Variants in RASAL2 observed in about 807,000 individuals in gnomAD.
The protein encoded by RASAL2 is ras GTPase-activating protein nGAP.
In RASAL2, 58 loss-of-function variants were observed where a neutral mutation model predicts 128.9. The observed-to-expected ratio is 0.45, with a 90% CI of 0.36 to 0.56. The LOEUF is 0.56. Ranked by LOEUF, RASAL2 falls within the 20% of genes least tolerant of loss-of-function variation. The pLI is 0.00. For missense variants in RASAL2, 1,360 were observed against 1,601.6 expected (o/e 0.85, Z 2.57); for synonymous variants, 561 against 580.8 (o/e 0.97, Z 0.49).
At chr1:178,457,239 G>C (rs1334294727) in intron 13 of RASAL2, among the ~76,000 whole-genome samples, 1 of 152,234 alleles carries the variant, frequency 6.6e-6, no homozygotes, top group Non-Finnish European at 1.5e-5. Context: ...CCATTTTATA[G>C]CTGGCTATGT....
chr1:178,168,096 C>T (rs913599225), intron 1 of RASAL2, among the ~76,000 whole-genome samples: 3 of 152,028 alleles, frequency 2.0e-5, no homozygotes, highest in Non-Finnish European at 4.4e-5. Flanking sequence ...CTGCTTCTGG[C>T]AAAACAGGCA....
intron 14 of RASAL2, among the ~76,000 whole-genome samples, 156 bp downstream of exon 14, chr1:178,458,700 C>CAGG (rs1403509662): frequency 2.6e-5 from 4 of 152,156 alleles, no homozygotes; most frequent in Non-Finnish European, 5.9e-5. Flanking sequence ...TGGGAGGCTT[C>CAGG]TGCCCAGGTG....
At chr1:178,173,525 G>A (rs1470544764) in intron 1 of RASAL2, among the ~76,000 whole-genome samples, 1 of 151,980 alleles carries the variant, frequency 6.6e-6, no homozygotes, top group African/African-American at 2.4e-5. Context: ...TACACATTTC[G>A]TATGTATGTT....
chr1:178,326,738 T>G (rs1159204304), intron 3 of RASAL2, among the ~76,000 whole-genome samples: 1 of 152,098 alleles, frequency 6.6e-6, no homozygotes, highest in Non-Finnish European at 1.5e-5. Context: ...GAGATGGGGT[T>G]TCTCCATGTT....
At chr1:178,457,459 G>A (rs1310499801) in intron 13 of RASAL2, among the ~76,000 whole-genome samples, 1 of 152,212 alleles carries the variant, frequency 6.6e-6, no homozygotes, top group Non-Finnish European at 1.5e-5. Context: ...ACAGTGATGG[G>A]TTGGTATCTA....
At chr1:178,180,723 C>T (rs560623136) in intron 1 of RASAL2, among the ~76,000 whole-genome samples, 1 of 143,504 alleles carries the variant, frequency 7.0e-6, no homozygotes, top group African/African-American at 2.6e-5. Flanking sequence ...GGCATTATTG[C>T]GACTCTAACC....
At chr1:178,261,565 A>G (rs767045281) in intron 1 of RASAL2, among the ~76,000 whole-genome samples, 4 of 152,202 alleles carry the variant, frequency 2.6e-5, no homozygotes, top group Non-Finnish European at 4.4e-5. Flanking sequence ...GGAAATGCAC[A>G]TAAGTGCTCT....
chr1:178,303,855 G>T (rs1045595883), intron 3 of RASAL2, among the ~76,000 whole-genome samples: 1 of 152,098 alleles, frequency 6.6e-6, no homozygotes, highest in Non-Finnish European at 1.5e-5. Context: ...AGTACATCCT[G>T]TCTGATTCCG....
At chr1:178,315,664 G>C (rs1668474398) in intron 3 of RASAL2, among the ~76,000 whole-genome samples, 1 of 144,722 alleles carries the variant, frequency 6.9e-6, no homozygotes, top group Non-Finnish European at 1.5e-5. Context: ...AAATTTGTTT[G>C]AGTTCACTGT....
intron 3 of RASAL2, among the ~76,000 whole-genome samples, chr1:178,355,902 G>A (rs1670779380): frequency 6.6e-6 from 1 of 152,200 alleles, no homozygotes; most frequent in Admixed American, 6.5e-5. Context: ...CAGGCGCGGT[G>A]GCTCACGCCT....
At chr1:178,245,931 C>G (rs1464719879) in intron 1 of RASAL2, among the ~76,000 whole-genome samples, 1 of 152,108 alleles carries the variant, frequency 6.6e-6, no homozygotes, top group African/African-American at 2.4e-5. Context: ...GACTATATAT[C>G]TGTTTTGGTA....
intron 1 of RASAL2, among the ~76,000 whole-genome samples, chr1:178,110,650 A>ATATATATATATATATATATG (rs68137228): frequency 3.4e-4 from 47 of 139,158 alleles, no homozygotes; most frequent in South Asian, 9.2e-4. Flanking sequence ...ATATATATAT[A>ATATATATATATATATATATG]TATGTATGTA....
rs763612470 is a variant in RASAL2 at position 178,441,612 on chromosome 1, A to T, written c.892A>T (p.Met298Leu). The T allele has an allele frequency of 6.2e-7, 1 of 1,612,698 alleles. No individual in the cohort carries two copies. Among genetic ancestry groups the T allele is most frequent in the Non-Finnish European group, 8.5e-7 (1 of 1,179,130 alleles). Residue 298 changes from methionine (M) to leucine (L), a missense_variant, in exon 7 of 18, where the codon ATG becomes TTG. Transcript: ENST00000367649. ...CNSASERDKWMENLRRTVQPN... is the reference protein window; with the variant it reads ...CNSASERDKWLENLRRTVQPN... The stretch of plus-strand genomic sequence containing the variant: ...TTCTGCTTCTGAGAGAGACAAGTGG[A>T]TGGAAAACCTTCGCAGGACAGTTCA...
intron 1 of RASAL2, among the ~76,000 whole-genome samples, chr1:178,181,884 T>A (rs1662124273): frequency 6.6e-6 from 1 of 152,100 alleles, no homozygotes; most frequent in South Asian, 2.1e-4. Flanking sequence ...GTACACACTA[T>A]CAACATGACT....
chr1:178,206,436 A>G lies in RASAL2; in HGVS notation c.203-77128A>G, dbSNP rs112280368. ...ACTTGACACTTGCTATGTTATCTCAATCAATGTTTATAACAACTCTATGAG... is the reference window on the plus strand; with the variant it reads ...ACTTGACACTTGCTATGTTATCTCAGTCAATGTTTATAACAACTCTATGAG... On this transcript the variant is annotated intron_variant, in intron 1 of 17. Coordinates refer to ENST00000367649, the MANE Select transcript of RASAL2 (RefSeq NM_170692.4). Among the ~76,000 whole-genome samples, 386 of 152,346 alleles carry G rather than the reference A, an allele frequency of 2.5e-3. 2 individuals are homozygous for G. Among genetic ancestry groups the G allele is most frequent in the South Asian group, 0.011 (52 of 4,832 alleles).
chr1:178,283,541 T>C (rs1666880266), intron 1 of RASAL2, 23 bp from the exon 2 acceptor site: 1 of 1,600,406 alleles, frequency 6.2e-7, no homozygotes, highest in African/African-American at 1.3e-5. Context: ...TTGTCACTTT[T>C]GTTTTTCCCT....
intron 1 of RASAL2, among the ~76,000 whole-genome samples, chr1:178,267,916 G>A (rs532940357): frequency 4.3e-4 from 65 of 151,718 alleles, no homozygotes; most frequent in African/African-American, 1.5e-3. Flanking sequence ...AATTCCTTTT[G>A]CCTTTTTCAT....
chr1:178,430,968 T>C (rs1675856485), intron 5 of RASAL2, among the ~76,000 whole-genome samples: 1 of 151,242 alleles, frequency 6.6e-6, no homozygotes, highest in Non-Finnish European at 1.5e-5. Flanking sequence ...AGCAGAATAC[T>C]ATACGGTAAT....
At chr1:178,229,477 CT>C (rs575547698) in intron 1 of RASAL2, among the ~76,000 whole-genome samples, 347 of 144,748 alleles carry the variant, frequency 2.4e-3, no homozygotes, top group African/African-American at 2.5e-3. Flanking sequence ...TTTTGTAGAA[CT>C]TTTTTTTTTT....
Sources: gnomAD v4.1 joint callset for allele counts (sites outside exome capture counted in the v4.1 genomes callset) on GRCh38, gnomAD v4.1.1 for gene constraint, MANE v1.5 for transcripts, NCBI Gene and HGNC (gene_info 2026-07-23, HGNC 2026-07-21) for gene names.